ABTB3: variants seen among roughly 807,000 people sequenced by gnomAD.
ABTB3 encodes the protein ankyrin repeat and BTB domain containing 3.
the ABTB3 span, among the ~76,000 whole-genome samples, chr12:107,625,512 C>A: frequency 2.0e-5 from 3 of 152,050 alleles, no homozygotes; most frequent in African/African-American, 7.2e-5. Context: ...TGTAGAAATC[C>A]AGGTTCCCCT....
chr12:107,546,793 A>T, the ABTB3 span, among the ~76,000 whole-genome samples: 28 of 152,276 alleles, frequency 1.8e-4, no homozygotes, highest in African/African-American at 6.5e-4. Flanking sequence ...TGAACCCAGG[A>T]GGCGGAGGTA....
chr12:107,485,472 C>T, the ABTB3 span, among the ~76,000 whole-genome samples: 1,235 of 152,200 alleles, frequency 8.1e-3, 25 homozygotes, highest in African/African-American at 0.028. Flanking sequence ...ACTCTTGGCC[C>T]TTTGCTTCTT....
the ABTB3 span, among the ~76,000 whole-genome samples, chr12:107,475,316 T>A: frequency 1.3e-5 from 2 of 152,182 alleles, no homozygotes; most frequent in African/African-American, 4.8e-5. Context: ...GTGGGAATAA[T>A]GACACCTAGG....
chr12:107,630,506 G>A, the ABTB3 span, among the ~76,000 whole-genome samples: 5 of 151,960 alleles, frequency 3.3e-5, no homozygotes, highest in African/African-American at 1.2e-4. Flanking sequence ...GTGGGGTTTT[G>A]CCATGTTGCC....
chr12:107,419,888 T>A, the ABTB3 span, among the ~76,000 whole-genome samples: 375 of 152,276 alleles, frequency 2.5e-3, 5 homozygotes, highest in African/African-American at 8.6e-3. Context: ...GGGAGCAGCA[T>A]GAACCAATGC....
chr12:107,430,924 A>G, the ABTB3 span, among the ~76,000 whole-genome samples: 1 of 152,240 alleles, frequency 6.6e-6, no homozygotes, highest in Non-Finnish European at 1.5e-5. Context: ...TTCTTAGTCA[A>G]CACTTACAAT....
the ABTB3 span, among the ~76,000 whole-genome samples, chr12:107,369,391 G>T: frequency 1.9e-5 from 2 of 104,050 alleles, no homozygotes; most frequent in African/African-American, 8.4e-5. Flanking sequence ...TTCAAACAAG[G>T]GTTTTTTTTT....
chr12:107,409,853 T>TA, the ABTB3 span, among the ~76,000 whole-genome samples: 1 of 152,174 alleles, frequency 6.6e-6, no homozygotes, highest in African/African-American at 2.4e-5. Context: ...TCCCAGAACT[T>TA]AATAAAATAT....
At chr12:107,435,313 C>T in the ABTB3 span, among the ~76,000 whole-genome samples, 1 of 152,206 alleles carries the variant, frequency 6.6e-6, no homozygotes, top group African/African-American at 2.4e-5. Flanking sequence ...AGGAGGAGCC[C>T]TTCAGAGGCA....
the ABTB3 span, among the ~76,000 whole-genome samples, chr12:107,400,265 A>G: frequency 6.6e-6 from 1 of 152,272 alleles, no homozygotes; most frequent in Admixed American, 6.5e-5. Flanking sequence ...ACTCGATGAT[A>G]TGTATATGAT....
chr12:107,318,723 C>A, the ABTB3 span: 5 of 533,854 alleles, frequency 9.4e-6, no homozygotes, highest in Non-Finnish European at 1.6e-5. Context: ...CAGCTCCGGC[C>A]CGGACTCTGG....
chr12:107,490,943 G>A, the ABTB3 span, among the ~76,000 whole-genome samples: 1 of 152,148 alleles, frequency 6.6e-6, no homozygotes, highest in Non-Finnish European at 1.5e-5. Context: ...GGCTCAGAGA[G>A]GTTGAATTGT....
the ABTB3 span, among the ~76,000 whole-genome samples, chr12:107,574,824 G>T: frequency 6.6e-6 from 1 of 152,234 alleles, no homozygotes; most frequent in Non-Finnish European, 1.5e-5. Flanking sequence ...CAAAGGCACA[G>T]AAACATTTAA....
At chr12:107,650,329 A>G in the ABTB3 span, 1 of 152,212 alleles carries the variant, frequency 6.6e-6, no homozygotes, top group South Asian at 2.1e-4. Flanking sequence ...GCACACAGTG[A>G]TCGCCAATAG....
the ABTB3 span, among the ~76,000 whole-genome samples, chr12:107,584,223 A>G: frequency 1.3e-5 from 2 of 152,232 alleles, no homozygotes; most frequent in African/African-American, 4.8e-5. Flanking sequence ...TGTTCATTCA[A>G]GACACCCAAG....
chr12:107,610,603 G>A, the ABTB3 span, among the ~76,000 whole-genome samples: 1 of 152,280 alleles, frequency 6.6e-6, no homozygotes, highest in Admixed American at 6.5e-5. Flanking sequence ...AGGAAAAACA[G>A]GCCCATTCCA....
At chr12:107,633,879 C>T in the ABTB3 span, among the ~76,000 whole-genome samples, 1 of 152,186 alleles carries the variant, frequency 6.6e-6, no homozygotes, top group Non-Finnish European at 1.5e-5. Context: ...AGGTCTGGGG[C>T]GAGGCCCAAG....
the ABTB3 span, among the ~76,000 whole-genome samples, chr12:107,459,727 G>A: frequency 6.6e-6 from 1 of 152,250 alleles, no homozygotes; most frequent in Non-Finnish European, 1.5e-5. Context: ...TAAGTGACCT[G>A]CATTGTGGCT....
chr12:107,552,755 C>T, the ABTB3 span, among the ~76,000 whole-genome samples: 1 of 152,162 alleles, frequency 6.6e-6, no homozygotes, highest in African/African-American at 2.4e-5. Context: ...TTATGTTTTG[C>T]CCTCTTGAAA....
Sources: gnomAD v4.1 joint callset for allele counts (sites outside exome capture counted in the v4.1 genomes callset) on GRCh38, gnomAD v4.1.1 for gene constraint, MANE v1.5 for transcripts, NCBI Gene and HGNC (gene_info 2026-07-23, HGNC 2026-07-21) for gene names.